GIPC2: variants seen among roughly 807,000 people sequenced by gnomAD.
The protein encoded by GIPC2 is PDZ domain-containing protein GIPC2.
A neutral mutation model predicts 30.6 loss-of-function variants in GIPC2; 30 were observed. The ratio of observed to expected loss-of-function variants is 0.98; its 90% confidence interval spans 0.73 to 1.33. The LOEUF (loss-of-function observed/expected upper bound fraction) is 1.33. Among genes scored for constraint, GIPC2 ranks in the 40% most tolerant of loss-of-function variants. The pLI is 0.00. For synonymous variants in GIPC2, 167 were observed against 150.0 expected (o/e 1.11, Z -0.83); for missense variants, 414 against 390.3 (o/e 1.06, Z -0.51).
intron 2 of GIPC2, chr1:78,091,710 ATT>A: frequency 1.3e-6 from 1 of 774,404 alleles, no homozygotes; most frequent in South Asian, 1.3e-5. Context: ...GAAAGCACAT[ATT>A]TGGTAGCCTT....
chr1:78,106,539 A>G (rs1334783915), intron 3 of GIPC2, among the ~76,000 whole-genome samples: 2 of 152,074 alleles, frequency 1.3e-5, no homozygotes, highest in Non-Finnish European at 2.9e-5. Flanking sequence ...CAGCCTGGGC[A>G]ACAGAGCAAG....
intron 2 of GIPC2, among the ~76,000 whole-genome samples, chr1:78,092,561 T>G (rs1452766591): frequency 1.3e-5 from 2 of 152,230 alleles, no homozygotes; most frequent in Non-Finnish European, 2.9e-5. Flanking sequence ...CTCTGTCAAG[T>G]TATTTTATGA....
intron 1 of GIPC2, among the ~76,000 whole-genome samples, chr1:78,066,477 G>T (rs1661513716): frequency 6.6e-6 from 1 of 152,190 alleles, no homozygotes; most frequent in Admixed American, 6.5e-5. Context: ...ACAGGGTGGT[G>T]ATTCCTCAAA....
chr1:78,084,253 C>T (rs993443932), intron 2 of GIPC2, among the ~76,000 whole-genome samples: 3 of 152,186 alleles, frequency 2.0e-5, no homozygotes, highest in Non-Finnish European at 2.9e-5. Flanking sequence ...GTGGCTCACA[C>T]CTGTTATCCC....
intron 1 of GIPC2, among the ~76,000 whole-genome samples, chr1:78,070,101 C>T (rs1018475259): frequency 5.9e-5 from 9 of 152,164 alleles, no homozygotes; most frequent in African/African-American, 1.9e-4. Flanking sequence ...CAGTGCTCTA[C>T]GAACTTCTGC....
Position 78,107,824 on chromosome 1 carries a change from CAAAAAAAAAAAAAA to C in GIPC2, c.608-11549_608-11536del, listed in dbSNP as rs35134592. Among the ~76,000 whole-genome samples, 14 of 28,762 alleles carry C rather than the reference CAAAAAAAAAAAAAA, an allele frequency of 4.9e-4. No homozygotes were observed. The South Asian group carries it at 0.018, about 37-fold the overall frequency. 18.9% of individuals were successfully genotyped at this position (28,762 alleles called of 152,430 possible). A position where few individuals can be genotyped will look rare whatever the true frequency, so the allele number is the denominator to read the frequency against. ...TGGGCAACAGAGTGAAACTCTGTCT[CAAAAAAAAAAAAAA>C]AAAAAAAAAAAAAAAAAAAGAGCTA... is the stretch of plus-strand genomic sequence containing the variant. On this transcript the variant is annotated intron_variant, in intron 3 of 5. Transcript: ENST00000370759.
upstream of GIPC2, chr1:78,045,788 C>A: frequency 8.7e-7 from 1 of 1,146,004 alleles, no homozygotes; most frequent in Non-Finnish European, 1.1e-6. Flanking sequence ...GTAGCGTCGG[C>A]ATCCTCAGGC....
intron 3 of GIPC2, among the ~76,000 whole-genome samples, chr1:78,108,481 G>T (rs970889678): frequency 4.6e-5 from 7 of 152,176 alleles, no homozygotes; most frequent in African/African-American, 1.7e-4. Flanking sequence ...TGCTTGTGGG[G>T]TTCATTCATA....
chr1:78,093,397 A>G (rs1461525238), intron 2 of GIPC2, among the ~76,000 whole-genome samples: 1 of 152,190 alleles, frequency 6.6e-6, no homozygotes, highest in African/African-American at 2.4e-5. Flanking sequence ...TTGTTTAACT[A>G]TTTCTAATGA....
intron 1 of GIPC2, among the ~76,000 whole-genome samples, chr1:78,067,928 C>T (rs1278528546): frequency 1.3e-5 from 2 of 152,128 alleles, no homozygotes; most frequent in African/African-American, 4.8e-5. Context: ...TGTGGATGGT[C>T]CTTAGTCTAA....
intron 1 of GIPC2, among the ~76,000 whole-genome samples, chr1:78,064,950 G>A (rs112720947): frequency 5.3e-5 from 8 of 151,982 alleles, no homozygotes; most frequent in Non-Finnish European, 8.8e-5. Context: ...TTACTATGTT[G>A]GCCAGGCTGG....
intron 5 of GIPC2, among the ~76,000 whole-genome samples, chr1:78,129,968 CT>C (rs61026507): frequency 0.25 from 36,825 of 146,612 alleles, 5,199 homozygotes; most frequent in East Asian, 0.75. Context: ...AAAATCTTTT[CT>C]TTTTTTTTTC....
intron 1 of GIPC2, among the ~76,000 whole-genome samples, chr1:78,066,749 G>A (rs925648397): frequency 3.9e-5 from 6 of 152,190 alleles, no homozygotes; most frequent in Admixed American, 6.5e-5. Context: ...GGATGGAGCT[G>A]GAGGTTATTA....
chr1:78,095,038 T>C lies in GIPC2; in HGVS notation c.513T>C (p.Val171=). The stretch of plus-strand genomic sequence containing the variant: ...AATCCATAAATGGAGAAAATATTGT[T>C]GGGTGGCGTCACTATGATGTTGCTA... ...HIESINGENI[V]GWRHYDVAKK... Residue 171 remains valine, a synonymous_variant, in exon 3 of 6, where the codon GTT becomes GTC. Coordinates refer to ENST00000370759, the MANE Select transcript of GIPC2 (RefSeq NM_017655.6). 1 of 1,606,452 alleles carries C rather than the reference T, an allele frequency of 6.2e-7. No individual in the cohort carries two copies. The highest frequency in any genetic ancestry group is 8.5e-7 in the Non-Finnish European group (1 of 1,173,062).
intron 1 of GIPC2, among the ~76,000 whole-genome samples, chr1:78,069,756 G>C (rs1460047202): frequency 6.6e-6 from 1 of 152,094 alleles, no homozygotes; most frequent in Non-Finnish European, 1.5e-5. Flanking sequence ...TTACAGGCAT[G>C]AGCCACCGCA....
chr1:78,071,589 TTTC>T (rs199639264), intron 1 of GIPC2, among the ~76,000 whole-genome samples: 4,118 of 151,482 alleles, frequency 0.027, 41 homozygotes, highest in Middle Eastern at 0.071. Context: ...TCTTCTTTTG[TTTC>T]TTCTTCTTCT....
At chr1:78,091,845 A>C in intron 2 of GIPC2, 1 of 778,468 alleles carries the variant, frequency 1.3e-6, no homozygotes, top group Non-Finnish European at 2.4e-6. Flanking sequence ...TCTCGGAAGG[A>C]GAAAGATGTA....
intron 2 of GIPC2, chr1:78,089,224 T>G (rs951889475): frequency 6.6e-6 from 1 of 152,156 alleles, no homozygotes. Context: ...GACTTTAGAA[T>G]CAGATAGGCC....
intron 5 of GIPC2, among the ~76,000 whole-genome samples, chr1:78,132,987 TTCTACTTCA>T (rs1662928589): frequency 6.6e-6 from 1 of 151,986 alleles, no homozygotes; most frequent in Admixed American, 6.6e-5. Context: ...TGAACTGGAG[TTCTACTTCA>T]GCAGTACTTC....
Sources: gnomAD v4.1 joint callset for allele counts (sites outside exome capture counted in the v4.1 genomes callset) on GRCh38, gnomAD v4.1.1 for gene constraint, MANE v1.5 for transcripts, NCBI Gene and HGNC (gene_info 2026-07-23, HGNC 2026-07-21) for gene names.